Variants in DTHD1 observed in about 807,000 individuals in gnomAD.
The protein encoded by DTHD1 is death domain-containing protein 1.
A neutral mutation model predicts 74.8 loss-of-function variants in DTHD1; 59 were observed. The observed-to-expected ratio is 0.79, with a 90% confidence interval of 0.64 to 0.98. The LOEUF (loss-of-function observed/expected upper bound fraction) is 0.98. Ranked by LOEUF, DTHD1 falls within the 50% of genes least tolerant of loss-of-function variation. DTHD1 has a pLI of 0.00. For synonymous variants in DTHD1, 365 were observed against 371.1 expected, an observed-to-expected ratio of 0.98 and a Z score of 0.19; for missense variants, 1,051 against 1,065.4, an observed-to-expected ratio of 0.99 and a Z score of 0.19.
chr4:36,322,230 G>A (rs1758073391), intron 8 of DTHD1, among the ~76,000 whole-genome samples: 1 of 152,048 alleles, frequency 6.6e-6, no homozygotes, highest in Non-Finnish European at 1.5e-5. Context: ...GTGAAGACGG[G>A]GAACATTTTT....
intron 5 of DTHD1, among the ~76,000 whole-genome samples, chr4:36,297,914 TTGTG>T (rs141268493): frequency 0.048 from 7,051 of 148,398 alleles, 193 homozygotes; most frequent in South Asian, 0.066. Flanking sequence ...GTTCATATAA[TTGTG>T]TGTGTGTGTG....
intron 8 of DTHD1, among the ~76,000 whole-genome samples, chr4:36,330,463 T>C (rs1047822510): frequency 4.6e-5 from 7 of 152,200 alleles, no homozygotes; most frequent in Non-Finnish European, 8.8e-5. Flanking sequence ...ATAGGCATAA[T>C]AACCTCACAA....
chr4:36,329,464 C>T (rs1332607366), intron 8 of DTHD1, among the ~76,000 whole-genome samples: 2 of 152,216 alleles, frequency 1.3e-5, no homozygotes, highest in Non-Finnish European at 2.9e-5. Flanking sequence ...AGCAGGACAG[C>T]TCCAGTTTTT....
Position 36,343,939 on chromosome 4 carries a change from G to A in DTHD1, c.*115G>A. Reference sequence around the variant, plus strand: ...ATTATTTGAAGTCAGTCTATTTAATGATGTGCTATTTAATGATGTGAGACA... The same window carrying A: ...ATTATTTGAAGTCAGTCTATTTAATAATGTGCTATTTAATGATGTGAGACA... On this transcript the variant is annotated 3_prime_UTR_variant, in exon 10 of 10. Transcript: ENST00000639862. 1 of 1,025,716 alleles carries A rather than the reference G, an allele frequency of 9.7e-7. No individual in the cohort carries two copies. Among genetic ancestry groups the A allele is most frequent in the Non-Finnish European group, 1.4e-6 (1 of 724,332 alleles). The allele number at this position is 1,025,716 out of a possible 1,614,324, so 63.5% of individuals were successfully genotyped here.
chr4:36,296,388 T>C lies in DTHD1; in HGVS notation c.1643+1349T>C, dbSNP rs147106048. On this transcript the variant is annotated intron_variant, in intron 5 of 9. Coordinates refer to ENST00000639862, the MANE Select transcript of DTHD1 (RefSeq NM_001170700.3). Reference sequence around the variant, plus strand: ...ATTCAAGATATCGAGAACAAGCAAGTATTATTCTTATTTTTAAAATTTGAT... The same window carrying C: ...ATTCAAGATATCGAGAACAAGCAAGCATTATTCTTATTTTTAAAATTTGAT... Among the ~76,000 whole-genome samples, 829 of 152,200 alleles carry C rather than the reference T, an allele frequency of 5.4e-3. 7 individuals carry two copies. The highest frequency in any genetic ancestry group is 7.1e-3 in the Non-Finnish European group (482 of 67,984).
At chr4:36,316,951 G>T (rs747684094) in intron 8 of DTHD1, among the ~76,000 whole-genome samples, 4 of 152,250 alleles carry the variant, frequency 2.6e-5, no homozygotes, top group Non-Finnish European at 2.9e-5. Flanking sequence ...CAGAAAGTAG[G>T]ATTAAATTAT....
intron 5 of DTHD1, among the ~76,000 whole-genome samples, chr4:36,300,384 C>T (rs1252110934): frequency 6.6e-6 from 1 of 152,152 alleles, no homozygotes; most frequent in Middle Eastern, 3.2e-3. Flanking sequence ...ATGTTCTGCT[C>T]ACTTGATTAT....
chr4:36,333,355 A>G (rs1488570603), intron 8 of DTHD1: 1 of 152,084 alleles, frequency 6.6e-6, no homozygotes, highest in African/African-American at 2.4e-5. Context: ...GAAGGAAAAA[A>G]GTTTTAATTA....
intron 8 of DTHD1, 91 bp downstream of exon 8, chr4:36,316,577 A>T: frequency 7.7e-7 from 1 of 1,294,190 alleles, no homozygotes; most frequent in South Asian, 1.6e-5. Context: ...AGACACATAC[A>T]GTTAAAAGAA....
chr4:36,286,244 G>GCTC (rs771494890), intron 2 of DTHD1, among the ~76,000 whole-genome samples: 5 of 152,130 alleles, frequency 3.3e-5, no homozygotes, highest in Non-Finnish European at 5.9e-5. Context: ...AAACATTGAA[G>GCTC]CTCCATATTC....
At position 36,281,829 on chromosome 4, in the gene DTHD1, T is replaced by C. The variant is rs1241301280; in HGVS notation, c.71T>C (p.Met24Thr). 1.3e-5 allele frequency: 16 copies of C among 1,244,084 alleles called. No individual in the cohort carries two copies. The highest frequency in any genetic ancestry group is 1.6e-5 in the Non-Finnish European group (16 of 992,676). The allele number at this position is 1,244,084 out of a possible 1,614,324, so 77.1% of individuals were successfully genotyped here. Residue 24 changes from methionine to threonine, a missense_variant, in exon 1 of 10, where the codon ATG becomes ACG. Physicochemically the swap from Met to Thr is moderately conservative, Grantham distance 81. Coordinates refer to ENST00000639862, the MANE Select transcript of DTHD1 (RefSeq NM_001170700.3). ...AAGCAGATTTGGAGACAAAACCAGATGCTAAAGCAGGCACTCTTGGGTGAT... is the reference window on the plus strand; with the variant it reads ...AAGCAGATTTGGAGACAAAACCAGACGCTAAAGCAGGCACTCTTGGGTGAT... ...ILKQIWRQNQ[M>T]LKQALLGDDL...
In DTHD1 at chr4:36,284,316, A is replaced by G. The variant is rs1755574489; in HGVS notation, c.612A>G (p.Gln204=). 1.3e-6 allele frequency: 2 copies of G among 1,537,218 alleles called. No individual in the cohort carries two copies. The highest frequency in any genetic ancestry group is 1.4e-5 in the African/African-American group (1 of 73,176). ...CACTGAATGGACGTGTACTGGGGCA[A>G]GAAGAGTCACAGAATAAAATGTTCC... ...NTSLNGRVLG[Q]EESQNKMFPD... is the part of the protein sequence containing the mutation. The change falls in exon 2 of 10, where the codon CAA becomes CAG. Residue 204 remains glutamine (Q), a synonymous_variant. Coordinates refer to ENST00000639862, the MANE Select transcript of DTHD1 (RefSeq NM_001170700.3).
At chr4:36,308,643 T>C (rs374700714) in intron 7 of DTHD1, 150 bp downstream of exon 7, 4 of 676,774 alleles carry the variant, frequency 5.9e-6, no homozygotes, top group African/African-American at 1.8e-5. Context: ...TTATTTATTA[T>C]ACTTTTTTTG....
intron 8 of DTHD1, among the ~76,000 whole-genome samples, chr4:36,326,962 C>CTT (rs201334706): frequency 4.5e-4 from 65 of 145,576 alleles, no homozygotes; most frequent in African/African-American, 1.3e-3. Context: ...ATTTGTTTTT[C>CTT]TTTTTTTTTT....
intron 5 of DTHD1, among the ~76,000 whole-genome samples, chr4:36,297,044 G>C (rs1045929585): frequency 5.3e-5 from 8 of 152,152 alleles, no homozygotes; most frequent in African/African-American, 1.9e-4. Context: ...ACGTTATTAA[G>C]AAAATCATAA....
rs1194489390 is a variant in DTHD1, at chr4:36,290,676, A to G, written c.1191A>G (p.Ser397=). The G allele has an allele frequency of 2.6e-6, 4 of 1,542,754 alleles. No individual in the cohort carries two copies. Among genetic ancestry groups the G allele is most frequent in the Middle Eastern group, 1.7e-4 (1 of 5,978 alleles). Residue 397 remains serine (S), a synonymous_variant, in exon 3 of 10, where the codon TCA becomes TCG. Coordinates refer to ENST00000639862, the MANE Select transcript of DTHD1 (RefSeq NM_001170700.3). Reference sequence around the variant, plus strand: ...AATCAAGTTACCTAAACCCAAATTCACTAGAAGGAATGAAGGGAGGTTATA... The same window carrying G: ...AATCAAGTTACCTAAACCCAAATTCGCTAGAAGGAATGAAGGGAGGTTATA... ...NLQSSYLNPN[S]LEGMKGGYKG... is the part of the protein sequence containing the mutation.
In DTHD1 at chr4:36,310,708, C is replaced by A. The variant is rs530357083; in HGVS notation, c.2095+2215C>A. Among the ~76,000 whole-genome samples, 62 of 152,266 alleles carry A rather than the reference C, an allele frequency of 4.1e-4. 2 individuals are homozygous for A. The East Asian group carries it at 4.8e-3, about 12-fold the overall frequency. ...GGGACAAGGCTTGAAGCTGATGCTG[C>A]CCTCCCAGCTTTTTTGATATCTCAG... On this transcript the variant is annotated intron_variant, in intron 7 of 9. Coordinates refer to ENST00000639862, the MANE Select transcript of DTHD1 (RefSeq NM_001170700.3).
intron 2 of DTHD1, among the ~76,000 whole-genome samples, chr4:36,289,475 C>A (rs1375712349): frequency 6.6e-6 from 1 of 152,052 alleles, no homozygotes; most frequent in African/African-American, 2.4e-5. Flanking sequence ...AGCCAATTAT[C>A]TGGTCTAAAA....
intron 8 of DTHD1, among the ~76,000 whole-genome samples, chr4:36,327,281 A>G (rs1263652784): frequency 6.6e-6 from 1 of 152,162 alleles, no homozygotes; most frequent in Non-Finnish European, 1.5e-5. Context: ...ATTTTTTTAA[A>G]TCTGCTATAA....
Sources: allele counts gnomAD v4.1 joint callset (sites outside exome capture counted in the v4.1 genomes callset), GRCh38; gene constraint gnomAD v4.1.1; transcripts MANE v1.5; gene names NCBI Gene and HGNC (gene_info 2026-07-23, HGNC 2026-07-21).